Variants in CDAN1 observed in about 807,000 individuals in gnomAD.
CDAN1 encodes the protein codanin-1.
CDAN1 carries 107 observed loss-of-function variants against 139.8 expected under a neutral mutation model. The ratio of observed to expected loss-of-function variants is 0.77; its 90% confidence interval spans 0.65 to 0.90. The LOEUF is 0.90. CDAN1 is among the 40% of genes least tolerant of loss of function. The pLI is 0.00. For synonymous variants in CDAN1, 776 were observed against 660.6 expected (o/e 1.17, Z -2.68); for missense variants, 1,667 against 1,575.7 (o/e 1.06, Z -0.98).
rs763659285 is a variant in CDAN1, at chr15:42,730,140, G to A, written c.2250C>T (p.Gly750=). Residue 750 remains glycine, a synonymous_variant, in exon 15 of 28, where the codon GGC becomes GGT. Coordinates refer to ENST00000356231, the MANE Select transcript of CDAN1 (RefSeq NM_138477.4). ...LNKLLLLAVL[G]WLFQIPTVPE... ...TCACTCTGCCCACCTGGAAAAGCCA[G>A]CCCAGGACAGCAAGTAGCAGCAGCT... 1.9e-6 allele frequency: 3 copies of A among 1,614,062 alleles called. No homozygotes were observed. In the South Asian group the frequency reaches 3.3e-5, roughly 18 times the overall value.
At position 42,732,402 on chromosome 15, in the gene CDAN1, C is replaced by A. The variant is rs766254751; in HGVS notation, c.1464G>T (p.Met488Ile). 7.4e-6 allele frequency: 12 copies of A among 1,613,826 alleles called. No homozygotes were observed. The Admixed American group carries it at 1.7e-4, about 22-fold the overall frequency. ...TGCAGGCTGCGGAGAGCTGACCCAT[C>A]ATGGCCCTGAGGAATAGAAGGCAGG... Reference protein sequence around the residue: ...EKGLGSRIRAMMGQLSAACSH... With the variant: ...EKGLGSRIRAIMGQLSAACSH... Residue 488 changes from methionine (M) to isoleucine (I), a missense_variant, in exon 10 of 28, where the codon ATG becomes ATT. Met to Ile is a conservative substitution (Grantham distance 10). Transcript: ENST00000356231.
At position 42,724,347 on chromosome 15, in the gene CDAN1, A is replaced by G; in HGVS notation, c.*144T>C. ...GGATTCGCGTGGTGGGATGCCAGGC[A>G]GTGACACCCTTAGAGCAGGAAGTCT... On this transcript the variant is annotated 3_prime_UTR_variant, in exon 28 of 28. Coordinates refer to ENST00000356231, the MANE Select transcript of CDAN1 (RefSeq NM_138477.4). 1 of 1,095,988 alleles carries G rather than the reference A, an allele frequency of 9.1e-7. No individual in the cohort carries two copies. Among genetic ancestry groups the G allele is most frequent in the Non-Finnish European group, 1.3e-6 (1 of 752,806 alleles). The allele number at this position is 1,095,988 out of a possible 1,614,324, so 67.9% of individuals were successfully genotyped here. A position where few individuals can be genotyped will look rare whatever the true frequency, so the allele number is the denominator to read the frequency against.
intron 18 of CDAN1, 35 bp downstream of exon 18, chr15:42,729,194 C>A: frequency 6.3e-7 from 1 of 1,593,702 alleles, no homozygotes; most frequent in Non-Finnish European, 8.6e-7. Context: ...AACCCCCCCT[C>A]ATTTTCCCCA....
At chr15:42,729,697 T>TA (rs1188608118) in intron 16 of CDAN1, 75 bp from the exon 17 acceptor site, 11 of 1,594,980 alleles carry the variant, frequency 6.9e-6, no homozygotes, top group Non-Finnish European at 9.4e-6. Flanking sequence ...TGGCAGGGCC[T>TA]TTACAAGGGT....
rs772939236 is a variant in CDAN1 at position 42,726,165 on chromosome 15, G to A, written c.3205-5C>T. ...CTCAGCAGGTGGGCACAGGAACTGCGGTTGGGGTGGGGGGGAAAGAGAGAC... is the reference window on the plus strand; with the variant it reads ...CTCAGCAGGTGGGCACAGGAACTGCAGTTGGGGTGGGGGGGAAAGAGAGAC... On this transcript the variant is annotated splice_polypyrimidine_tract_variant and splice_region_variant and intron_variant, in intron 24 of 27. Coordinates refer to ENST00000356231, the MANE Select transcript of CDAN1 (RefSeq NM_138477.4). 3.0e-5 allele frequency: 49 copies of A among 1,613,948 alleles called. No homozygotes were observed. In the Admixed American group the frequency reaches 3.5e-4, roughly 12 times the overall value.
rs1325301232 is a variant in CDAN1 at position 42,728,240 on chromosome 15, A to G, written c.2832T>C (p.Ala944=). The G allele has an allele frequency of 1.2e-6, 2 of 1,614,004 alleles. No homozygotes were observed. Among genetic ancestry groups the G allele is most frequent in the South Asian group, 1.1e-5 (1 of 91,082 alleles). Residue 944 remains alanine, a synonymous_variant, in exon 21 of 28, where the codon GCT becomes GCC. Transcript: ENST00000356231. Reference sequence around the variant, plus strand: ...TCTCCTCTGGAAGCAGCGCCCGCACAGCCCCAGGGCTCTTCCTTTGACAGA... The same window carrying G: ...TCTCCTCTGGAAGCAGCGCCCGCACGGCCCCAGGGCTCTTCCTTTGACAGA... ...REFCQRKSPG[A]VRALLPEETP...
At chr15:42,730,102 C>G (rs1206599313) in intron 15 of CDAN1, 26 bp downstream of exon 15, 1 of 1,605,060 alleles carries the variant, frequency 6.2e-7, no homozygotes, top group Admixed American at 1.7e-5. Flanking sequence ...GAACCTCTCT[C>G]CAATCTGGAC....
chr15:42,728,403 C>T (rs1418779593), intron 20 of CDAN1, 136 bp from the exon 21 acceptor site: 11 of 950,094 alleles, frequency 1.2e-5, no homozygotes, highest in Non-Finnish European at 6.6e-6. Context: ...TCCCGCCCCA[C>T]CCCAGGTGCC....
In CDAN1 at chr15:42,736,502, C is replaced by G; in HGVS notation, c.369G>C (p.Arg123=). ...CACGCTCGCGGGCCGGCCCCGGGCC[C>G]CGCCTCCTGCCCCCGCGGCGGGCCA... ...APLARRGGRR[R]GPGPARERGG... Residue 123 remains arginine, a synonymous_variant, in exon 2 of 28, where the codon CGG becomes CGC. Transcript: ENST00000356231. The G allele has an allele frequency of 7.1e-7, 1 of 1,416,170 alleles. No homozygotes were observed. The highest frequency in any genetic ancestry group is 1.5e-5 in the South Asian group (1 of 64,644). 87.7% of individuals were successfully genotyped at this position (1,416,170 alleles called of 1,614,324 possible).
intron 11 of CDAN1, 91 bp from the exon 12 acceptor site, chr15:42,731,422 G>C (rs2061610252): frequency 1.3e-6 from 2 of 1,572,502 alleles, no homozygotes; most frequent in African/African-American, 2.7e-5. Context: ...GAAGGGAGCA[G>C]CAGGACAGAC....
rs753881055 is a variant in CDAN1 at position 42,736,357 on chromosome 15, G to A, written c.514C>T (p.Leu172Phe). 6 of 1,613,954 alleles carry A rather than the reference G, an allele frequency of 3.7e-6. No homozygotes were observed. In the South Asian group the frequency reaches 6.6e-5, roughly 18 times the overall value. Residue 172 changes from leucine to phenylalanine, a missense_variant, in exon 2 of 28, where the codon CTC (leucine) becomes TTC (phenylalanine). This residue lies in a region of CDAN1 where 487 missense variants were observed against 422.2 expected (regional missense o/e 1.15). Transcript: ENST00000356231. ...PSLTLSDPPN[L>F]SNLEEFPPVG... ...GGAGGGAACTCCTCCAGGTTGCTGA[G>A]GTTTGGCGGATCAGACAGCGTGAGG...
chr15:42,726,439 A>C, intron 23 of CDAN1, 22 bp from the exon 24 acceptor site: 2 of 1,539,178 alleles, frequency 1.3e-6, no homozygotes, highest in Non-Finnish European at 1.8e-6. Context: ...AGGGGGAGAT[A>C]TCACCTTGCG....
intron 14 of CDAN1, 102 bp downstream of exon 14, chr15:42,730,496 C>T: frequency 1.5e-6 from 2 of 1,370,964 alleles, no homozygotes; most frequent in Non-Finnish European, 2.1e-6. Context: ...CAGGGCCCCA[C>T]ACGCACAGTG....
chr15:42,726,175 G>C lies in CDAN1; in HGVS notation c.3205-15C>G, dbSNP rs1366099856. 5 of 1,613,912 alleles carry C rather than the reference G, an allele frequency of 3.1e-6. No individual in the cohort carries two copies. The highest frequency in any genetic ancestry group is 1.1e-5 in the South Asian group (1 of 91,080). Reference sequence around the variant, plus strand: ...GGGCACAGGAACTGCGGTTGGGGTGGGGGGGAAAGAGAGACCATAGGTATC... The same window carrying C: ...GGGCACAGGAACTGCGGTTGGGGTGCGGGGGAAAGAGAGACCATAGGTATC... On this transcript the variant is annotated splice_polypyrimidine_tract_variant and intron_variant, in intron 24 of 27. Coordinates refer to ENST00000356231, the MANE Select transcript of CDAN1 (RefSeq NM_138477.4).
chr15:42,727,936 C>G lies in CDAN1; in HGVS notation c.2947+19G>C. The G allele has an allele frequency of 6.2e-7, 1 of 1,611,968 alleles. No homozygotes were observed. The highest frequency in any genetic ancestry group is 8.5e-7 in the Non-Finnish European group (1 of 1,178,008). On this transcript the variant is annotated intron_variant, in intron 22 of 27. Transcript: ENST00000356231. Reference sequence around the variant, plus strand: ...TTTTTAAACACTTGATTCAGCCACTCCCCCATCCAGGACCTTACCTGTGAT... The same window carrying G: ...TTTTTAAACACTTGATTCAGCCACTGCCCCATCCAGGACCTTACCTGTGAT...
Position 42,736,662 on chromosome 15 carries a change from G to A in CDAN1, c.209C>T (p.Pro70Leu). 2 of 1,536,174 alleles carry A rather than the reference G, an allele frequency of 1.3e-6. No individual in the cohort carries two copies. Among genetic ancestry groups the A allele is most frequent in the Non-Finnish European group, 8.7e-7 (1 of 1,142,880 alleles). The change falls in exon 2 of 28, where the codon CCG becomes CTG. Residue 70 changes from proline (P) to leucine (L), a missense_variant. Physicochemically the swap from Pro to Leu is moderately conservative, Grantham distance 98. Coordinates refer to ENST00000356231, the MANE Select transcript of CDAN1 (RefSeq NM_138477.4). ...QSSRVLPQGP[P>L]TPAKTPGASA... ...GGCGCCCGGGGTCTTGGCGGGGGTC[G>A]GGGGCCCCTGCGGGAGGACGCGGCT...
In CDAN1 at chr15:42,736,317, G is replaced by A; in HGVS notation, c.554C>T (p.Pro185Leu). ...TGAGTCTCACCCTGTAGGGCCGGGG[G>A]GAACCGAGCCTACGGGAGGGAACTC... is the stretch of plus-strand genomic sequence containing the variant. ...LEEFPPVGSVPPGPTGTKPSR... is the reference protein window; with the variant it reads ...LEEFPPVGSVLPGPTGTKPSR... Residue 185 changes from proline to leucine, a missense_variant, in exon 2 of 28, where the codon CCC becomes CTC. By Grantham distance (98) the Pro-to-Leu change is moderately conservative. Coordinates refer to ENST00000356231, the MANE Select transcript of CDAN1 (RefSeq NM_138477.4). The A allele has an allele frequency of 3.1e-6, 5 of 1,613,764 alleles. No individual in the cohort carries two copies. Among genetic ancestry groups the A allele is most frequent in the Non-Finnish European group, 3.4e-6 (4 of 1,179,934 alleles).
intron 4 of CDAN1, 22 bp downstream of exon 4, chr15:42,735,488 C>T (rs754573956): frequency 9.3e-6 from 15 of 1,613,852 alleles, no homozygotes; most frequent in Non-Finnish European, 1.2e-5. Flanking sequence ...TCTCCACTCC[C>T]GCTCCCTCCG....
chr15:42,726,053 T>TGGGGGATCAGGCAAGAGA, intron 25 of CDAN1, 44 bp downstream of exon 25: 9 of 1,547,536 alleles, frequency 5.8e-6, no homozygotes, highest in Non-Finnish European at 7.1e-6. Context: ...CCCTGAGATT[T>TGGGGGATCAGGCAAGAGA]GGGGGATCAG....
Sources: gnomAD v4.1 joint callset for allele counts on GRCh38, gnomAD v4.1.1 for gene constraint, gnomAD v4.1.1 regional missense constraint, MANE v1.5 for transcripts, NCBI Gene and HGNC (gene_info 2026-07-23, HGNC 2026-07-21) for gene names.